Variants in MCTP1 observed in about 807,000 individuals in gnomAD.
The protein encoded by MCTP1 is multiple C2 and transmembrane domain containing 1.
In MCTP1, 69 loss-of-function variants were observed where a neutral mutation model predicts 120.6. That is an observed-to-expected ratio of 0.57 (90% CI 0.47 to 0.70). The LOEUF (loss-of-function observed/expected upper bound fraction) is 0.70. Among genes scored for constraint, MCTP1 ranks in the 30% least tolerant of loss-of-function variants. MCTP1 has a pLI of 0.00. For missense variants in MCTP1, 1,203 were observed against 1,248.8 expected (o/e 0.96, Z 0.55); for synonymous variants, 529 against 493.1 (o/e 1.07, Z -0.96).
intron 1 of MCTP1, among the ~76,000 whole-genome samples, chr5:95,255,934 A>G (rs1476550942): frequency 6.6e-6 from 1 of 152,154 alleles, no homozygotes; most frequent in Non-Finnish European, 1.5e-5. Flanking sequence ...ATAAACAAGC[A>G]CAACGGAAGT....
chr5:94,877,960 C>T (rs1799273057), intron 12 of MCTP1, among the ~76,000 whole-genome samples: 1 of 152,090 alleles, frequency 6.6e-6, no homozygotes, highest in Non-Finnish European at 1.5e-5. Context: ...CAGTGACCAC[C>T]TCTTTGTTGC....
chr5:94,912,428 CAAAAAAAAAAAAAAAAAAAAAAAAA>C (rs564439495), intron 9 of MCTP1, among the ~76,000 whole-genome samples: 2 of 31,424 alleles, frequency 6.4e-5, no homozygotes, highest in South Asian at 4.4e-3. Flanking sequence ...GAGACTCCAT[CAAAAAAAAAAAAAAAAAAAAAAAAA>C]AAAAAAAAAA....
chr5:94,803,250 T>C (rs1023051129), intron 17 of MCTP1, among the ~76,000 whole-genome samples: 1 of 152,210 alleles, frequency 6.6e-6, no homozygotes, highest in African/African-American at 2.4e-5. Context: ...ATTAGTCAAA[T>C]GGTAATAAGT....
At chr5:94,842,767 T>C (rs1483249473) in intron 17 of MCTP1, among the ~76,000 whole-genome samples, 4 of 152,236 alleles carry the variant, frequency 2.6e-5, no homozygotes, top group Non-Finnish European at 4.4e-5. Flanking sequence ...ACCTGCTTTT[T>C]ATTACTGAAA....
intron 1 of MCTP1, among the ~76,000 whole-genome samples, chr5:95,169,349 A>G: frequency 6.6e-6 from 1 of 152,172 alleles, no homozygotes; most frequent in Non-Finnish European, 1.5e-5. Context: ...ATATTGGTCT[A>G]TAATTCTCTT....
chr5:94,919,419 G>A (rs2153455706), intron 7 of MCTP1, among the ~76,000 whole-genome samples: 1 of 152,126 alleles, frequency 6.6e-6, no homozygotes, highest in Non-Finnish European at 1.5e-5. Flanking sequence ...GATACTAAGG[G>A]AACACAGTTA....
intron 1 of MCTP1, among the ~76,000 whole-genome samples, chr5:95,061,952 C>A (rs1372888752): frequency 6.6e-6 from 1 of 152,156 alleles, no homozygotes; most frequent in Non-Finnish European, 1.5e-5. Flanking sequence ...TGATTACAGG[C>A]TGACTCTGGA....
At chr5:95,142,220 T>A (rs532147110) in intron 1 of MCTP1, among the ~76,000 whole-genome samples, 1 of 152,208 alleles carries the variant, frequency 6.6e-6, no homozygotes, top group Non-Finnish European at 1.5e-5. Flanking sequence ...GATTTTAGCT[T>A]GGTCATTGTC....
In MCTP1 at chr5:94,888,442, T is replaced by C. The variant is rs555841236; in HGVS notation, c.1933+437A>G. 2.6e-5 allele frequency among the ~76,000 whole-genome samples: 4 copies of C among 152,276 alleles called. No individual in the cohort carries two copies. In the East Asian group the frequency reaches 7.7e-4, roughly 29 times the overall value. On this transcript the variant is annotated intron_variant, in intron 12 of 22. Coordinates refer to ENST00000515393, the MANE Select transcript of MCTP1 (RefSeq NM_024717.7). ...TAATGAGTTGGATCAGCAACCCAAA[T>C]ATCAAGAGTTGATACCAAGTTATTG...
chr5:94,907,785 C>T (rs549915237), intron 10 of MCTP1, among the ~76,000 whole-genome samples: 62 of 140,254 alleles, frequency 4.4e-4, no homozygotes, highest in African/African-American at 1.4e-3. Context: ...TGTCATTATA[C>T]GAAAAAAAAA....
chr5:95,154,648 C>T (rs1744893181), intron 1 of MCTP1, among the ~76,000 whole-genome samples: 1 of 152,126 alleles, frequency 6.6e-6, no homozygotes, highest in South Asian at 2.1e-4. Context: ...ACAAGTTCTT[C>T]AATCCTATAA....
intron 1 of MCTP1, among the ~76,000 whole-genome samples, chr5:95,235,581 T>G (rs971672394): frequency 6.6e-6 from 1 of 152,136 alleles, no homozygotes. Flanking sequence ...ACATCATGAA[T>G]GTATACGCCT....
intron 1 of MCTP1, among the ~76,000 whole-genome samples, chr5:95,043,650 T>C (rs979611694): frequency 4.6e-5 from 7 of 152,220 alleles, no homozygotes; most frequent in African/African-American, 1.7e-4. Context: ...GCCATTCTGA[T>C]GGAATAAAAC....
At chr5:94,866,440 C>G (rs1420167370) in intron 17 of MCTP1, among the ~76,000 whole-genome samples, 3 of 151,678 alleles carry the variant, frequency 2.0e-5, no homozygotes, top group African/African-American at 7.3e-5. Context: ...ATTATGGGTT[C>G]TTCTCCAAAG....
chr5:94,857,235 G>A (rs562698434), intron 17 of MCTP1, among the ~76,000 whole-genome samples: 1 of 151,698 alleles, frequency 6.6e-6, no homozygotes, highest in Non-Finnish European at 1.5e-5. Flanking sequence ...CAGCTTTATT[G>A]AGTGTGCATG....
At chr5:94,877,545 A>G (rs1230772061) in intron 12 of MCTP1, 2 of 152,144 alleles carry the variant, frequency 1.3e-5, no homozygotes, top group East Asian at 3.9e-4. Context: ...CTACAACAAT[A>G]AAACAAACAT....
chr5:95,161,117 G>T (rs1460704963), intron 1 of MCTP1, among the ~76,000 whole-genome samples: 1 of 152,176 alleles, frequency 6.6e-6, no homozygotes, highest in African/African-American at 2.4e-5. Flanking sequence ...ACTGAAATCA[G>T]TATGCTGAAG....
chr5:95,281,213 T>G (rs1284000370), intron 1 of MCTP1, among the ~76,000 whole-genome samples: 2 of 152,172 alleles, frequency 1.3e-5, no homozygotes, highest in African/African-American at 4.8e-5. Context: ...CATGCCCAGG[T>G]CACTTTGGAG....
chr5:95,140,174 T>G (rs1181890797), intron 1 of MCTP1, among the ~76,000 whole-genome samples: 1 of 152,190 alleles, frequency 6.6e-6, no homozygotes, highest in Non-Finnish European at 1.5e-5. Context: ...AAGTAATCAT[T>G]CACTCTCTCT....
Sources: allele counts gnomAD v4.1 joint callset (sites outside exome capture counted in the v4.1 genomes callset), GRCh38; gene constraint gnomAD v4.1.1; transcripts MANE v1.5; gene names NCBI Gene and HGNC (gene_info 2026-07-23, HGNC 2026-07-21).